The following GALNT13 variants were observed in gnomAD, a reference collection of about 807,000 sequenced individuals.
The protein encoded by GALNT13 is UDP-GalNAc:polypeptide N-acetylgalactosaminyltransferase 13.
Under a neutral mutation model 64.2 loss-of-function variants are expected in GALNT13, and 28 were observed. The observed-to-expected ratio is 0.44, with a 90% CI of 0.32 to 0.60. The LOEUF is 0.60. Among genes scored for constraint, GALNT13 ranks in the 20% least tolerant of loss-of-function variants. GALNT13 has a pLI of 0.05. For synonymous variants in GALNT13, 214 were observed against 224.6 expected, an observed-to-expected ratio of 0.95 and a Z score of 0.42; for missense variants, 577 against 669.8, an observed-to-expected ratio of 0.86 and a Z score of 1.53.
the GALNT13 span, among the ~76,000 whole-genome samples, chr2:153,691,375 A>C: frequency 6.6e-6 from 1 of 152,150 alleles, no homozygotes; most frequent in Admixed American, 6.6e-5. Flanking sequence ...GGTACTATTT[A>C]CATGGTCATA....
chr2:153,761,183 T>C, the GALNT13 span, among the ~76,000 whole-genome samples: 1 of 152,176 alleles, frequency 6.6e-6, no homozygotes, highest in Non-Finnish European at 1.5e-5. Flanking sequence ...AGTCAGTAAC[T>C]CTATGTCTTT....
the GALNT13 span, among the ~76,000 whole-genome samples, chr2:153,801,604 A>G: frequency 1.1e-4 from 16 of 152,298 alleles, no homozygotes; most frequent in South Asian, 3.3e-3. Context: ...TTACAATAGT[A>G]ACATCAAAGA....
chr2:153,431,053 G>A, the GALNT13 span, among the ~76,000 whole-genome samples: 2 of 151,860 alleles, frequency 1.3e-5, no homozygotes, highest in Non-Finnish European at 1.5e-5. Flanking sequence ...TAGAGGCTGA[G>A]GCAGGAGAAT....
chr2:153,853,460 G>A, the GALNT13 span, among the ~76,000 whole-genome samples: 1 of 151,980 alleles, frequency 6.6e-6, no homozygotes, highest in Admixed American at 6.6e-5. Flanking sequence ...CCAGCAACAC[G>A]TGAATAAATA....
the GALNT13 span, among the ~76,000 whole-genome samples, chr2:153,744,960 G>A: frequency 6.6e-6 from 1 of 152,140 alleles, no homozygotes; most frequent in Non-Finnish European, 1.5e-5. Flanking sequence ...TGACAAGTGA[G>A]TACCCTGGTT....
At chr2:153,699,980 A>T in the GALNT13 span, among the ~76,000 whole-genome samples, 1 of 152,194 alleles carries the variant, frequency 6.6e-6, no homozygotes, top group Non-Finnish European at 1.5e-5. Flanking sequence ...ACTCCTTCCT[A>T]ACTCATTTTA....
the GALNT13 span, among the ~76,000 whole-genome samples, chr2:153,559,479 A>G: frequency 6.6e-6 from 1 of 152,106 alleles, no homozygotes; most frequent in Non-Finnish European, 1.5e-5. Flanking sequence ...TATTTCTTGA[A>G]TAATTATAGT....
intron 9 of GALNT13, among the ~76,000 whole-genome samples, chr2:154,313,424 A>G (rs1043467159): frequency 1.5e-4 from 2 of 13,638 alleles, no homozygotes; most frequent in Non-Finnish European, 3.9e-4. Flanking sequence ...AGAGATATAT[A>G]TATATATATA....
the GALNT13 span, among the ~76,000 whole-genome samples, chr2:153,528,726 T>C: frequency 6.6e-6 from 1 of 152,016 alleles, no homozygotes; most frequent in African/African-American, 2.4e-5. Context: ...AACCATGTTC[T>C]CTGACCAGCA....
intron 4 of GALNT13, among the ~76,000 whole-genome samples, chr2:154,193,722 T>A (rs1345096980): frequency 6.6e-6 from 1 of 152,192 alleles, no homozygotes; most frequent in Non-Finnish European, 1.5e-5. Flanking sequence ...AAAGTTTACT[T>A]TGCTTTCTAA....
the GALNT13 span, among the ~76,000 whole-genome samples, chr2:153,263,041 A>G: frequency 6.6e-6 from 1 of 152,106 alleles, no homozygotes; most frequent in Non-Finnish European, 1.5e-5. Flanking sequence ...CTATATCTAG[A>G]AAACTCCATC....
chr2:153,287,832 G>T, the GALNT13 span, among the ~76,000 whole-genome samples: 3 of 152,088 alleles, frequency 2.0e-5, no homozygotes, highest in Non-Finnish European at 2.9e-5. Context: ...CTTGGACATC[G>T]CAACATTTGG....
chr2:153,271,540 G>A, the GALNT13 span, among the ~76,000 whole-genome samples: 108 of 152,160 alleles, frequency 7.1e-4, no homozygotes, highest in Middle Eastern at 3.4e-3. Context: ...AATAAAATAC[G>A]TAGGAATGCA....
chr2:153,462,100 T>G, the GALNT13 span, among the ~76,000 whole-genome samples: 1 of 152,042 alleles, frequency 6.6e-6, no homozygotes, highest in African/African-American at 2.4e-5. Flanking sequence ...TAGATAGAGA[T>G]TTTCACTTTT....
chr2:154,027,540 T>C (rs1310134113), intron 3 of GALNT13, among the ~76,000 whole-genome samples: 1 of 152,136 alleles, frequency 6.6e-6, no homozygotes, highest in Non-Finnish European at 1.5e-5. Context: ...GGGTCTCTAT[T>C]TGGAGTTGTT....
At chr2:153,950,491 A>AT (rs1421569146) in intron 3 of GALNT13, among the ~76,000 whole-genome samples, 5 of 152,100 alleles carry the variant, frequency 3.3e-5, no homozygotes, top group Non-Finnish European at 7.4e-5. Flanking sequence ...GTGTCTCTAC[A>AT]TTTTTATAAT....
the GALNT13 span, among the ~76,000 whole-genome samples, chr2:153,812,797 A>G: frequency 6.6e-6 from 1 of 152,158 alleles, no homozygotes; most frequent in Admixed American, 6.5e-5. Context: ...TCTCTGCATA[A>G]ATATCCTGCT....
intron 3 of GALNT13, among the ~76,000 whole-genome samples, chr2:154,084,364 A>T (rs1454748066): frequency 6.6e-6 from 1 of 151,870 alleles, no homozygotes; most frequent in Non-Finnish European, 1.5e-5. Context: ...TGAATTATAA[A>T]AATTAGGTTG....
At chr2:153,619,045 G>A in the GALNT13 span, among the ~76,000 whole-genome samples, 2 of 151,876 alleles carry the variant, frequency 1.3e-5, no homozygotes, top group Admixed American at 1.3e-4. Flanking sequence ...TAAATATGGA[G>A]TTAATCTTAC....
Sources: gnomAD v4.1 joint callset for allele counts (sites outside exome capture counted in the v4.1 genomes callset) on GRCh38, gnomAD v4.1.1 for gene constraint, MANE v1.5 for transcripts, NCBI Gene and HGNC (gene_info 2026-07-23, HGNC 2026-07-21) for gene names.